The following GALNTL6 variants were observed in gnomAD, a reference collection of about 807,000 sequenced individuals.
GALNTL6 encodes polypeptide N-acetylgalactosaminyltransferase like 6.
GALNTL6 carries 46 observed loss-of-function variants against 73.7 expected under a neutral mutation model. The observed-to-expected ratio is 0.62, with a 90% CI of 0.49 to 0.80. GALNTL6 has a LOEUF of 0.80. GALNTL6 is among the 30% of genes least tolerant of loss of function. GALNTL6 has a pLI of 0.00. For missense variants in GALNTL6, 604 were observed against 755.0 expected (o/e 0.80, Z 2.34); for synonymous variants, 259 against 263.7 (o/e 0.98, Z 0.17).
chr4:173,005,471 G>A (rs1455068814), intron 10 of GALNTL6, among the ~76,000 whole-genome samples: 1 of 152,096 alleles, frequency 6.6e-6, no homozygotes, highest in Admixed American at 6.5e-5. Flanking sequence ...TTCAGCCAGA[G>A]GTACAGAGCC....
intron 2 of GALNTL6, among the ~76,000 whole-genome samples, chr4:172,117,422 G>T (rs1158837005): frequency 1.3e-5 from 2 of 152,122 alleles, no homozygotes; most frequent in Admixed American, 6.5e-5. Context: ...AAGGCTTTAT[G>T]TGTATTAACT....
chr4:171,989,858 G>A (rs1228674426), intron 2 of GALNTL6, among the ~76,000 whole-genome samples: 2 of 152,180 alleles, frequency 1.3e-5, no homozygotes, highest in African/African-American at 4.8e-5. Flanking sequence ...AACTGGGCTG[G>A]GTTTTTCATA....
At chr4:171,850,439 G>A in intron 2 of GALNTL6, among the ~76,000 whole-genome samples, 1 of 152,116 alleles carries the variant, frequency 6.6e-6, no homozygotes, top group East Asian at 1.9e-4. Context: ...TGTGGAACAG[G>A]GGCTGGAGCG....
At chr4:172,033,901 T>C (rs1741846179) in intron 2 of GALNTL6, among the ~76,000 whole-genome samples, 1 of 152,126 alleles carries the variant, frequency 6.6e-6, no homozygotes, top group Admixed American at 6.6e-5. Flanking sequence ...ACTTCTGAAT[T>C]ATCTGTGTAT....
chr4:172,660,917 A>G (rs1259307350), intron 5 of GALNTL6, among the ~76,000 whole-genome samples: 1 of 152,216 alleles, frequency 6.6e-6, no homozygotes, highest in Non-Finnish European at 1.5e-5. Context: ...GCACAAATGA[A>G]TATTAAACTG....
At chr4:172,182,525 A>G (rs1302059228) in intron 2 of GALNTL6, among the ~76,000 whole-genome samples, 1 of 145,288 alleles carries the variant, frequency 6.9e-6, no homozygotes, top group East Asian at 2.1e-4. Flanking sequence ...TAAAATACAT[A>G]ATTTAAATAA....
intron 10 of GALNTL6, among the ~76,000 whole-genome samples, chr4:173,002,005 C>T (rs1752063675): frequency 6.6e-6 from 1 of 152,218 alleles, no homozygotes; most frequent in Non-Finnish European, 1.5e-5. Flanking sequence ...CCAGCAATTT[C>T]ATTCCTAGGT....
intron 3 of GALNTL6, among the ~76,000 whole-genome samples, chr4:172,252,136 A>G (rs1737903149): frequency 1.3e-5 from 2 of 152,154 alleles, no homozygotes; most frequent in Admixed American, 1.3e-4. Context: ...AATTAAGCAA[A>G]TATAAAAAGA....
At chr4:172,606,663 CTA>C (rs373383097) in intron 5 of GALNTL6, among the ~76,000 whole-genome samples, 3,707 of 38,474 alleles carry the variant, frequency 0.096, 98 homozygotes, top group South Asian at 0.32. Context: ...TATATATATA[CTA>C]TATATATATA....
In GALNTL6 at chr4:171,993,720, A is replaced by C. The variant is rs139858308; in HGVS notation, c.138+179002A>C. 5.0e-3 allele frequency among the ~76,000 whole-genome samples: 757 copies of C among 151,920 alleles called. 7 individuals are homozygous for C. The highest frequency in any genetic ancestry group is 0.037 in the East Asian group (193 of 5,172). On this transcript the variant is annotated intron_variant, in intron 2 of 12. Transcript: ENST00000506823. ...TAGTTAGTATTATGAAAGAAAAGTT[A>C]ATGGGTTTTACAGTATGAAAGAAGG...
At chr4:172,514,439 G>A in intron 5 of GALNTL6, among the ~76,000 whole-genome samples, 1 of 152,164 alleles carries the variant, frequency 6.6e-6, no homozygotes, top group East Asian at 1.9e-4. Flanking sequence ...TGCCCCTCCA[G>A]CAGCACTGAG....
At chr4:172,517,128 C>T (rs1047884608) in intron 5 of GALNTL6, among the ~76,000 whole-genome samples, 2 of 151,788 alleles carry the variant, frequency 1.3e-5, no homozygotes, top group African/African-American at 4.8e-5. Context: ...ACATGCTAAA[C>T]ACTACTAAAC....
intron 5 of GALNTL6, among the ~76,000 whole-genome samples, chr4:172,775,186 T>C (rs1739005825): frequency 6.6e-6 from 1 of 152,124 alleles, no homozygotes; most frequent in African/African-American, 2.4e-5. Flanking sequence ...CAACTATTAT[T>C]GTTCCTAAAT....
intron 5 of GALNTL6, among the ~76,000 whole-genome samples, chr4:172,636,436 T>C (rs1739685120): frequency 6.6e-6 from 1 of 152,150 alleles, no homozygotes; most frequent in Admixed American, 6.6e-5. Context: ...TAGTTAAGGA[T>C]CTTCAGATCA....
At chr4:171,913,273 CTG>C (rs1031300591) in intron 2 of GALNTL6, among the ~76,000 whole-genome samples, 2 of 152,174 alleles carry the variant, frequency 1.3e-5, no homozygotes, top group Admixed American at 1.3e-4. Flanking sequence ...CAGCTAAATA[CTG>C]GAAAGAGGCA....
At chr4:172,334,544 A>G (rs368801901) in intron 4 of GALNTL6, among the ~76,000 whole-genome samples, 7 of 152,178 alleles carry the variant, frequency 4.6e-5, no homozygotes, top group African/African-American at 1.7e-4. Context: ...TTTGGTGTAC[A>G]GAAGTGCTAC....
intron 5 of GALNTL6, among the ~76,000 whole-genome samples, chr4:172,744,807 G>T (rs1375718135): frequency 6.7e-6 from 1 of 150,166 alleles, no homozygotes. Context: ...TTTCAAACAA[G>T]ACACAAAAGG....
intron 7 of GALNTL6, among the ~76,000 whole-genome samples, chr4:172,869,991 TC>T (rs1329316832): frequency 1.3e-5 from 2 of 152,196 alleles, no homozygotes; most frequent in East Asian, 3.9e-4. Context: ...CTTCTTCTTT[TC>T]CCTCAGTCCA....
At chr4:171,884,424 T>A (rs1736550601) in intron 2 of GALNTL6, among the ~76,000 whole-genome samples, 1 of 152,128 alleles carries the variant, frequency 6.6e-6, no homozygotes, top group South Asian at 2.1e-4. Context: ...TAGATACTGT[T>A]ATTATCATCT....
Sources: allele counts gnomAD v4.1 joint callset (sites outside exome capture counted in the v4.1 genomes callset), GRCh38; gene constraint gnomAD v4.1.1; transcripts MANE v1.5; gene names NCBI Gene and HGNC (gene_info 2026-07-23, HGNC 2026-07-21).